Variants in UPRT observed in about 807,000 individuals in gnomAD.
UPRT encodes the protein uracil phosphoribosyltransferase homolog, also known as RP11-311P8.3.
Under a neutral mutation model 22.6 loss-of-function variants are expected in UPRT, and 5 were observed. The observed-to-expected ratio is 0.22, with a 90% confidence interval of 0.12 to 0.47. The LOEUF (loss-of-function observed/expected upper bound fraction) is 0.47. Among genes scored for constraint, UPRT ranks in the 20% least tolerant of loss-of-function variants. The probability of loss-of-function intolerance (pLI) is 0.99; values close to 1 mark genes in which losing one functional copy is unlikely to be tolerated. For missense variants in UPRT, 181 were observed against 239.9 expected, an observed-to-expected ratio of 0.75 and a Z score of 1.62; for synonymous variants, 77 against 87.7, an observed-to-expected ratio of 0.88 and a Z score of 0.68.
At chrX:75,232,996 G>A (rs1255836683) in intron 4 of UPRT, among the ~76,000 whole-genome samples, 2 of 111,649 alleles carry the variant, frequency 1.8e-5, no homozygotes, top group African/African-American at 6.5e-5. Context: ...CCGAGCTACG[G>A]GAGGACATTC....
At chrX:75,216,080 C>A (rs933010091) in intron 4 of UPRT, among the ~76,000 whole-genome samples, 5 of 111,286 alleles carry the variant, frequency 4.5e-5, no homozygotes, top group Non-Finnish European at 9.4e-5. Context: ...AAACTATAGA[C>A]CAATATTTTT....
At chrX:75,270,155 A>C (rs1043315291), upstream of UPRT, among the ~76,000 whole-genome samples, 2 of 112,408 alleles carry the variant, frequency 1.8e-5, no homozygotes, top group Non-Finnish European at 3.8e-5. Flanking sequence ...TATGAAAAAA[A>C]GCTCATCATC....
At chrX:75,278,492 T>C (rs1221012939) in intron 1 of UPRT, among the ~76,000 whole-genome samples, 1 of 111,711 alleles carries the variant, frequency 9.0e-6, no homozygotes, top group East Asian at 2.8e-4. Context: ...TTGTTGTTGT[T>C]GCAATGGATT....
At chrX:75,180,546 C>T (rs1444376982) in intron 4 of UPRT, among the ~76,000 whole-genome samples, 7 of 111,440 alleles carry the variant, frequency 6.3e-5, no homozygotes, top group South Asian at 3.8e-4. Flanking sequence ...AGATTCTCTC[C>T]GCTTTTCTGA....
chrX:75,177,941 T>A (rs2082254025), intron 4 of UPRT, among the ~76,000 whole-genome samples: 1 of 112,097 alleles, frequency 8.9e-6, no homozygotes, highest in African/African-American at 3.2e-5. Flanking sequence ...GAGAGGAAGT[T>A]TCTCTGGCAG....
intron 4 of UPRT, among the ~76,000 whole-genome samples, chrX:75,211,366 G>C (rs184825511): frequency 1.7e-4 from 19 of 111,376 alleles, no homozygotes; most frequent in Middle Eastern, 4.6e-3. Flanking sequence ...GCACCCCTGA[G>C]AAGGCAGGCC....
intron 1 of UPRT, among the ~76,000 whole-genome samples, chrX:75,292,459 G>A (rs1056124734): frequency 9.0e-6 from 1 of 111,689 alleles, no homozygotes; most frequent in African/African-American, 3.3e-5. Context: ...ATAGAACTGT[G>A]GTTAAGAAAC....
At chrX:75,248,949 C>T (rs1166800055) in intron 4 of UPRT, among the ~76,000 whole-genome samples, 4 of 111,448 alleles carry the variant, frequency 3.6e-5, no homozygotes, top group Non-Finnish European at 7.5e-5. Context: ...ATTTCATATC[C>T]AGCCAAACTA....
chrX:75,294,534 G>GA, intron 2 of UPRT: 4 of 953,402 alleles, frequency 4.2e-6, no homozygotes, highest in Admixed American at 3.2e-5. Flanking sequence ...AAAGGAATGT[G>GA]AAAAAAAGGC....
intron 4 of UPRT, among the ~76,000 whole-genome samples, chrX:75,247,114 T>C (rs887763177): frequency 3.7e-4 from 41 of 110,973 alleles, no homozygotes; most frequent in Non-Finnish European, 5.7e-4. Flanking sequence ...TCAGAATGGC[T>C]GGGTGGCTTA....
chrX:75,302,764 C>T (rs1178145332), intron 6 of UPRT, among the ~76,000 whole-genome samples: 1 of 111,027 alleles, frequency 9.0e-6, no homozygotes, highest in Non-Finnish European at 1.9e-5. Context: ...TATTCCCCTC[C>T]CCATAAGCTA....
intron 4 of UPRT, among the ~76,000 whole-genome samples, chrX:75,228,849 C>G (rs940819487): frequency 8.9e-6 from 1 of 111,767 alleles, no homozygotes. Context: ...GAAATCCTGC[C>G]ATTTGTGAAA....
chrX:75,230,626 G>T (rs1248704402), intron 4 of UPRT, among the ~76,000 whole-genome samples: 4 of 112,130 alleles, frequency 3.6e-5, no homozygotes, highest in Non-Finnish European at 7.5e-5. Flanking sequence ...CAACTTGACT[G>T]CTAGCATAAC....
chrX:75,156,846 G>A (rs1424663684), intron 1 of UPRT: 1 of 290,867 alleles, frequency 3.4e-6, no homozygotes, highest in African/African-American at 2.8e-5. Context: ...ATTGTTCTCT[G>A]TTGCGCAAAC....
At chrX:75,261,055 T>C (rs981434388) in intron 4 of UPRT, among the ~76,000 whole-genome samples, 20 of 111,502 alleles carry the variant, frequency 1.8e-4, no homozygotes, top group African/African-American at 6.2e-4. Context: ...TTGAAACCAA[T>C]GAGAACAAAG....
intron 1 of UPRT, among the ~76,000 whole-genome samples, chrX:75,280,124 G>GT (rs1012182932): frequency 3.3e-4 from 33 of 100,091 alleles, no homozygotes; most frequent in South Asian, 4.4e-4. Flanking sequence ...GGGATTGTTT[G>GT]TTTTTTTTTT....
intron 1 of UPRT, among the ~76,000 whole-genome samples, chrX:75,275,865 G>GC (rs997460389): frequency 1.8e-5 from 2 of 110,670 alleles, no homozygotes; most frequent in Non-Finnish European, 3.8e-5. Context: ...ACATGGCACT[G>GC]CCCCCCGGCT....
At chrX:75,256,223 A>T (rs902526803) in intron 4 of UPRT, among the ~76,000 whole-genome samples, 1 of 112,031 alleles carries the variant, frequency 8.9e-6, no homozygotes, top group Admixed American at 9.5e-5. Context: ...CTTCAAAACT[A>T]TGCAAATACA....
chrX:75,158,098 G>A (rs2082188421), intron 1 of UPRT, among the ~76,000 whole-genome samples: 2 of 112,106 alleles, frequency 1.8e-5, no homozygotes, highest in Non-Finnish European at 3.8e-5. Context: ...CAAAAAGTGT[G>A]AATAACATTG....
Sources: gnomAD v4.1 joint callset for allele counts (sites outside exome capture counted in the v4.1 genomes callset) on GRCh38, gnomAD v4.1.1 for gene constraint, MANE v1.5 for transcripts, NCBI Gene and HGNC (gene_info 2026-07-23, HGNC 2026-07-21) for gene names.